Variants in CUL3 observed in about 807,000 individuals in gnomAD.
CUL3 encodes the protein cullin 3.
In CUL3, 19 loss-of-function variants were observed where a neutral mutation model predicts 89.1. The observed-to-expected ratio is 0.21, with a 90% confidence interval of 0.15 to 0.31. The LOEUF (loss-of-function observed/expected upper bound fraction) is 0.31, where lower values mean the gene tolerates loss of function less well. Ranked by LOEUF, CUL3 falls within the 10% of genes least tolerant of loss-of-function variation. CUL3 has a pLI of 1.00. For missense variants in CUL3, 469 were observed against 942.3 expected, an observed-to-expected ratio of 0.50 and a Z score of 6.58; for synonymous variants, 351 against 308.4, an observed-to-expected ratio of 1.14 and a Z score of -1.45.
At chr2:224,526,548 T>A (rs1471238142) in intron 3 of CUL3, among the ~76,000 whole-genome samples, 5 of 126,496 alleles carry the variant, frequency 4.0e-5, no homozygotes, top group African/African-American at 1.3e-4. Flanking sequence ...ATTGCACCAC[T>A]GCACTCCAGC....
intron 3 of CUL3, among the ~76,000 whole-genome samples, chr2:224,520,426 T>G (rs1346364265): frequency 6.6e-6 from 1 of 152,230 alleles, no homozygotes; most frequent in Non-Finnish European, 1.5e-5. Flanking sequence ...CAACTTCATT[T>G]GTAACATAAG....
Position 224,585,250 on chromosome 2 carries a change from G to A in CUL3, c.-241C>T, listed in dbSNP as rs1360351609. The A allele has an allele frequency of 1.0e-5, 4 of 393,762 alleles. No individual in the cohort carries two copies. Among genetic ancestry groups the A allele is most frequent in the Admixed American group, 9.0e-5 (2 of 22,280 alleles). The allele number at this position is 393,762 out of a possible 1,614,324, so 24.4% of individuals were successfully genotyped here. A position where few individuals can be genotyped will look rare whatever the true frequency, so the allele number is the denominator to read the frequency against. On this transcript the variant is annotated 5_prime_UTR_variant, in exon 1 of 16. Coordinates refer to ENST00000264414, the MANE Select transcript of CUL3 (RefSeq NM_003590.5). ...GCTGGGGGGCTGCGCTGGCGCGGCG[G>A]CTCCGCGGGGTCCCCCTCACGTCCG... is the stretch of plus-strand genomic sequence containing the variant.
chr2:224,500,288 T>C (rs1168524580), intron 11 of CUL3, 75 bp downstream of exon 11: 3 of 1,512,772 alleles, frequency 2.0e-6, no homozygotes, highest in East Asian at 2.3e-5. Flanking sequence ...CAATTACGGA[T>C]ACTAATGTTC....
intron 3 of CUL3, among the ~76,000 whole-genome samples, chr2:224,527,144 G>C (rs944109033): frequency 6.6e-6 from 1 of 152,202 alleles, no homozygotes; most frequent in Non-Finnish European, 1.5e-5. Flanking sequence ...AGCAAAGTCA[G>C]TCAAAATGTT....
chr2:224,538,909 G>A (rs966680227), intron 2 of CUL3, among the ~76,000 whole-genome samples: 1 of 152,132 alleles, frequency 6.6e-6, no homozygotes, highest in African/African-American at 2.4e-5. Context: ...TAGTGTGTCC[G>A]TGGTCTCAGC....
At chr2:224,581,989 A>T (rs964227887) in intron 1 of CUL3, among the ~76,000 whole-genome samples, 3 of 149,818 alleles carry the variant, frequency 2.0e-5, no homozygotes, top group African/African-American at 7.4e-5. Flanking sequence ...TTTGAGACAG[A>T]GTTTCGCTTT....
chr2:224,472,082 A>G lies in CUL3; in HGVS notation c.*2163T>C, dbSNP rs538867247. The G allele has an allele frequency of 1.4e-4, 32 of 230,308 alleles. No individual in the cohort carries two copies. The highest frequency in any genetic ancestry group is 1.3e-3 in the Middle Eastern group (1 of 762). The allele number at this position is 230,308 out of a possible 1,614,324, so 14.3% of individuals were successfully genotyped here. The stretch of plus-strand genomic sequence containing the variant: ...AAACATATAAACATTTTGTGTGACC[A>G]GTTTTTTCAGTGCAGCATCACATCG... On this transcript the variant is annotated 3_prime_UTR_variant, in exon 16 of 16. Transcript: ENST00000264414.
At chr2:224,496,137 C>T (rs1363970523) in intron 12 of CUL3, among the ~76,000 whole-genome samples, 171 bp from the exon 13 acceptor site, 1 of 152,176 alleles carries the variant, frequency 6.6e-6, no homozygotes, top group Non-Finnish European at 1.5e-5. Context: ...CTCAAGCAAT[C>T]CTCCTACCTT....
intron 1 of CUL3, chr2:224,562,699 C>T (rs1694942182): frequency 6.6e-6 from 1 of 151,196 alleles, no homozygotes; most frequent in African/African-American, 2.4e-5. Flanking sequence ...AAATGACTTA[C>T]CCAAAATCAT....
chr2:224,570,193 G>A (rs191105880), intron 1 of CUL3, among the ~76,000 whole-genome samples: 36 of 152,098 alleles, frequency 2.4e-4, no homozygotes, highest in African/African-American at 8.4e-4. Context: ...ATGATAAGGA[G>A]TCTTATTTGA....
Position 224,543,979 on chromosome 2 carries a change from C to T in CUL3, c.265-8338G>A, listed in dbSNP as rs555857610. Among the ~76,000 whole-genome samples the T allele has an allele frequency of 3.3e-3, 498 of 151,972 alleles. 4 individuals are homozygous for T. Among genetic ancestry groups the T allele is most frequent in the South Asian group, 0.021 (102 of 4,812 alleles). ...CAGCTAGGGTGACAGAGTGAGACCC[C>T]TCCCATTTCAAAAAAAAAAAGAAAA... On this transcript the variant is annotated intron_variant, in intron 2 of 15. Coordinates refer to ENST00000264414, the MANE Select transcript of CUL3 (RefSeq NM_003590.5).
chr2:224,518,538 A>G (rs554074014), intron 3 of CUL3, among the ~76,000 whole-genome samples: 4 of 152,144 alleles, frequency 2.6e-5, no homozygotes, highest in African/African-American at 7.2e-5. Flanking sequence ...TCTAAGGGGG[A>G]TCTATCACTT....
chr2:224,499,048 G>A (rs547475733), intron 11 of CUL3, among the ~76,000 whole-genome samples: 39 of 152,250 alleles, frequency 2.6e-4, no homozygotes, highest in Middle Eastern at 3.4e-3. Flanking sequence ...CAGGATATGG[G>A]CTATTTAAAA....
chr2:224,482,599 A>G (rs189195844), intron 13 of CUL3, among the ~76,000 whole-genome samples: 1 of 152,030 alleles, frequency 6.6e-6, no homozygotes, highest in African/African-American at 2.4e-5. Flanking sequence ...AAAAAAAAAA[A>G]CCTGGAATTA....
At chr2:224,547,740 GC>G (rs1036941948) in intron 2 of CUL3, among the ~76,000 whole-genome samples, 34 of 152,006 alleles carry the variant, frequency 2.2e-4, no homozygotes, top group African/African-American at 8.0e-4. Flanking sequence ...ATATATATAT[GC>G]CATTAAAAAC....
At chr2:224,509,550 A>C (rs1692734461) in intron 6 of CUL3, among the ~76,000 whole-genome samples, 1 of 152,250 alleles carries the variant, frequency 6.6e-6, no homozygotes, top group Non-Finnish European at 1.5e-5. Flanking sequence ...ATTTAGAATC[A>C]CAGATAGCTA....
At chr2:224,482,169 G>C in intron 13 of CUL3, 91 bp from the exon 14 acceptor site, 1 of 904,116 alleles carries the variant, frequency 1.1e-6, no homozygotes. Flanking sequence ...TAGTTAAAAA[G>C]AGGTAATTCC....
chr2:224,476,411 A>G (rs566223378), intron 15 of CUL3, among the ~76,000 whole-genome samples: 2 of 152,204 alleles, frequency 1.3e-5, no homozygotes, highest in Non-Finnish European at 2.9e-5. Flanking sequence ...ACAAATTTAT[A>G]GTATTCAAAA....
At chr2:224,502,917 A>T (rs762896249) in intron 10 of CUL3, 48 bp downstream of exon 10, 1 of 1,357,150 alleles carries the variant, frequency 7.4e-7, no homozygotes, top group Non-Finnish European at 1.1e-6. Flanking sequence ...TACCCATTAC[A>T]AAAGACTTTA....
Sources: gnomAD v4.1 joint callset for allele counts (sites outside exome capture counted in the v4.1 genomes callset) on GRCh38, gnomAD v4.1.1 for gene constraint, MANE v1.5 for transcripts, NCBI Gene and HGNC (gene_info 2026-07-23, HGNC 2026-07-21) for gene names.